The following ANKRD11 variants were observed in gnomAD, a reference collection of about 807,000 sequenced individuals.
ANKRD11 encodes ankyrin repeat domain 11.
A neutral mutation model predicts 195.7 loss-of-function variants in ANKRD11; 17 were observed. That is an observed-to-expected ratio of 0.09 (90% CI 0.06 to 0.13). The LOEUF is 0.13. ANKRD11 is among the 10% of genes least tolerant of loss of function. The probability of loss-of-function intolerance (pLI) is 1.00; values close to 1 mark genes in which losing one functional copy is unlikely to be tolerated. For synonymous variants in ANKRD11, 1,953 were observed against 1,528.1 expected, an observed-to-expected ratio of 1.28 and a Z score of -6.49; for missense variants, 3,735 against 3,566.1, an observed-to-expected ratio of 1.05 and a Z score of -1.21.
intron 2 of ANKRD11, among the ~76,000 whole-genome samples, chr16:89,346,885 A>G (rs2038965650): frequency 1.3e-5 from 2 of 152,268 alleles, no homozygotes; most frequent in South Asian, 4.1e-4. Flanking sequence ...AACAGAGACT[A>G]AACAAAGTCA....
chr16:89,288,468 C>G (rs1283232200), intron 7 of ANKRD11, 60 bp downstream of exon 7: 1 of 1,612,836 alleles, frequency 6.2e-7, no homozygotes, highest in Middle Eastern at 1.7e-4. Flanking sequence ...GGAAACAAAG[C>G]TACAGAACCA....
In ANKRD11 at chr16:89,280,559, A is replaced by G. The variant is rs1273411084; in HGVS notation, c.5983T>C (p.Cys1995Arg). The G allele has an allele frequency of 4.3e-6, 7 of 1,613,168 alleles. No homozygotes were observed. Among genetic ancestry groups the G allele is most frequent in the Non-Finnish European group, 5.9e-6 (7 of 1,179,898 alleles). The change falls in exon 9 of 13, where the codon TGC becomes CGC. Residue 1995 changes from cysteine (C) to arginine (R), a missense_variant. By Grantham distance (180) the Cys-to-Arg change is radical. Coordinates refer to ENST00000301030, the MANE Select transcript of ANKRD11 (RefSeq NM_013275.6). ...QRFPESPKRF[C>R]PADPLHSAAP... is the part of the protein sequence containing the mutation. ...GCAGAGTGGAGGGGGTCCGCGGGGC[A>G]GAAACGCTTTGGGGACTCGGGGAAT...
chr16:89,350,634 G>A (rs1234948463), intron 2 of ANKRD11, among the ~76,000 whole-genome samples: 2 of 152,180 alleles, frequency 1.3e-5, no homozygotes, highest in Non-Finnish European at 2.9e-5. Context: ...CCTGGGTCCA[G>A]GAAATAGGAT....
intron 2 of ANKRD11, among the ~76,000 whole-genome samples, chr16:89,374,188 A>G (rs562768812): frequency 9.8e-5 from 15 of 152,338 alleles, no homozygotes; most frequent in African/African-American, 3.4e-4. Context: ...AATTCTTTTT[A>G]AAAACATTAA....
chr16:89,358,990 T>C lies in ANKRD11; in HGVS notation c.-59-41912A>G, dbSNP rs116306031. On this transcript the variant is annotated intron_variant, in intron 2 of 12. Transcript: ENST00000301030. ...ACAGGCATGCACCACCACACCTGGC[T>C]AATTTTCTATTTTTTGTAAAGACAA... Among the ~76,000 whole-genome samples, 1,249 of 152,260 alleles carry C rather than the reference T, an allele frequency of 8.2e-3. 18 individuals are homozygous for C. The highest frequency in any genetic ancestry group is 0.029 in the African/African-American group (1,204 of 41,542).
At chr16:89,441,681 G>A (rs1287463591) in intron 1 of ANKRD11, among the ~76,000 whole-genome samples, 1 of 141,392 alleles carries the variant, frequency 7.1e-6, no homozygotes, top group South Asian at 2.3e-4. Context: ...GCAGGAGAAT[G>A]GCATGAACCC....
At position 89,286,406 on chromosome 16, in the gene ANKRD11, C is replaced by T. The variant is rs368811116; in HGVS notation, c.745-220G>A. The T allele has an allele frequency of 3.7e-4, 249 of 680,050 alleles. No homozygotes were observed. In the African/African-American group the frequency reaches 4.0e-3, roughly 11 times the overall value. The allele number at this position is 680,050 out of a possible 1,614,324, so 42.1% of individuals were successfully genotyped here. Reference sequence around the variant, plus strand: ...TCCTCTGTGGGAAGGGCTGCAGCCGCGGGGGCTCCCGCACCCCTCCTGTGC... The same window carrying T: ...TCCTCTGTGGGAAGGGCTGCAGCCGTGGGGGCTCCCGCACCCCTCCTGTGC... On this transcript the variant is annotated intron_variant, in intron 7 of 12. Coordinates refer to ENST00000301030, the MANE Select transcript of ANKRD11 (RefSeq NM_013275.6).
intron 2 of ANKRD11, among the ~76,000 whole-genome samples, chr16:89,353,915 T>C (rs1382007145): frequency 2.0e-5 from 3 of 152,218 alleles, no homozygotes; most frequent in Non-Finnish European, 2.9e-5. Flanking sequence ...GCGTGGGGCA[T>C]GTCTGCCACA....
intron 1 of ANKRD11, among the ~76,000 whole-genome samples, chr16:89,465,082 G>A (rs1052524510): frequency 6.6e-6 from 1 of 152,238 alleles, no homozygotes; most frequent in Non-Finnish European, 1.5e-5. Context: ...GTTAGTAATA[G>A]TTGTAACTGG....
intron 2 of ANKRD11, among the ~76,000 whole-genome samples, chr16:89,353,350 AAGAGAGAG>A (rs112221236): frequency 3.3e-5 from 5 of 149,460 alleles, no homozygotes; most frequent in East Asian, 2.0e-4. Context: ...TCCAAAAAAA[AAGAGAGAG>A]AGAGAGAGAG....
chr16:89,446,026 CTAG>C (rs2043775862), intron 1 of ANKRD11, among the ~76,000 whole-genome samples: 1 of 149,738 alleles, frequency 6.7e-6, no homozygotes, highest in South Asian at 2.1e-4. Flanking sequence ...AAAAACCAGC[CTAG>C]TATATGTTCC....
chr16:89,448,156 G>A (rs1182015390), intron 1 of ANKRD11, among the ~76,000 whole-genome samples: 2 of 151,974 alleles, frequency 1.3e-5, no homozygotes, highest in African/African-American at 4.8e-5. Flanking sequence ...TGCAGACACT[G>A]GGCACCTTGC....
chr16:89,449,803 A>G (rs1050453967), intron 1 of ANKRD11, among the ~76,000 whole-genome samples: 3 of 152,176 alleles, frequency 2.0e-5, no homozygotes, highest in African/African-American at 7.2e-5. Flanking sequence ...CAAAAAAAAG[A>G]AAAGTGTGCA....
chr16:89,393,849 T>C (rs2041309747), intron 2 of ANKRD11, among the ~76,000 whole-genome samples: 1 of 151,894 alleles, frequency 6.6e-6, no homozygotes, highest in East Asian at 1.9e-4. Flanking sequence ...TGTCAGACAG[T>C]GGGAATAATC....
intron 2 of ANKRD11, among the ~76,000 whole-genome samples, chr16:89,406,700 G>C (rs1357766457): frequency 6.6e-6 from 1 of 152,164 alleles, no homozygotes; most frequent in East Asian, 1.9e-4. Context: ...AGGAAGGACA[G>C]ACTTCTGAAG....
At chr16:89,289,371 C>T (rs1017684156) in intron 6 of ANKRD11, among the ~76,000 whole-genome samples, 2 of 152,188 alleles carry the variant, frequency 1.3e-5, no homozygotes, top group African/African-American at 2.4e-5. Context: ...TCTACACACA[C>T]GATTTTGCTC....
intron 2 of ANKRD11, among the ~76,000 whole-genome samples, chr16:89,363,065 TA>T (rs2039799640): frequency 6.6e-6 from 1 of 152,124 alleles, no homozygotes; most frequent in South Asian, 2.1e-4. Flanking sequence ...GCAGAAGGTA[TA>T]AAAAATGGCC....
At chr16:89,375,271 T>C (rs114302886) in intron 2 of ANKRD11, among the ~76,000 whole-genome samples, 1,912 of 152,242 alleles carry the variant, frequency 0.013, 43 homozygotes, top group African/African-American at 0.043. Flanking sequence ...TCTCCAGAAA[T>C]TGTGTATCAC....
intron 1 of ANKRD11, among the ~76,000 whole-genome samples, chr16:89,451,514 A>G (rs2044074575): frequency 6.8e-6 from 1 of 148,128 alleles, no homozygotes; most frequent in South Asian, 2.1e-4. Flanking sequence ...CGAGTTTTCA[A>G]GCAATCCTCA....
Sources: gnomAD v4.1 joint callset for allele counts (sites outside exome capture counted in the v4.1 genomes callset) on GRCh38, gnomAD v4.1.1 for gene constraint, MANE v1.5 for transcripts, NCBI Gene and HGNC (gene_info 2026-07-23, HGNC 2026-07-21) for gene names.